GDI2: variants seen among roughly 807,000 people sequenced by gnomAD.
The protein encoded by GDI2 is rab GDP dissociation inhibitor beta.
GDI2 carries 22 observed loss-of-function variants against 54.2 expected under a neutral mutation model. The ratio of observed to expected loss-of-function variants is 0.41; its 90% CI spans 0.29 to 0.58. The LOEUF is 0.58. Ranked by LOEUF, GDI2 falls within the 20% of genes least tolerant of loss-of-function variation. GDI2 has a pLI of 0.35. For missense variants in GDI2, 422 were observed against 546.0 expected (o/e 0.77, Z 2.26); for synonymous variants, 177 against 182.1 (o/e 0.97, Z 0.23).
rs201044554 is a variant in GDI2 at position 5,801,682 on chromosome 10, CAA to C, written c.46-979_46-978del. Among the ~76,000 whole-genome samples, 6 of 147,152 alleles carry C rather than the reference CAA, an allele frequency of 4.1e-5. No homozygotes were observed. In the East Asian group the frequency reaches 1.2e-3, roughly 31 times the overall value. On this transcript the variant is annotated intron_variant, in intron 1 of 10. Transcript: ENST00000380191. ...CAAGAGCTAAACTCCATCTCAAGAA[CAA>C]AAAAAAGGATGTCCTTGATAAAAGC...
intron 2 of GDI2, among the ~76,000 whole-genome samples, chr10:5,799,128 G>A (rs1324779359): frequency 6.6e-6 from 1 of 151,316 alleles, no homozygotes; most frequent in East Asian, 2.0e-4. Context: ...GATCACTTGA[G>A]GCCAGGAGTT....
At position 5,774,897 on chromosome 10, in the gene GDI2, GAAGGGC is replaced by G. The variant is rs751268014; in HGVS notation, c.720-962_720-957del. Among the ~76,000 whole-genome samples, 151 of 152,268 alleles carry G rather than the reference GAAGGGC, an allele frequency of 9.9e-4. 1 individual carries two copies. Among genetic ancestry groups the G allele is most frequent in the African/African-American group, 2.6e-3 (110 of 41,528 alleles). ...TCTGGATTCACACCCAGGGGAAGGG[GAAGGGC>G]AAGGGCAAGGGCAAGGCCAAGGGAA... On this transcript the variant is annotated intron_variant, in intron 6 of 10. Coordinates refer to ENST00000380191, the MANE Select transcript of GDI2 (RefSeq NM_001494.4). This position sits in a 1 kb window ranked among gnomAD's most constrained non-coding sequence, Gnocchi z 4.8.
chr10:5,796,812 T>C lies in GDI2; in HGVS notation c.204A>G (p.Arg68=), dbSNP rs750434795. 1.9e-6 allele frequency: 3 copies of C among 1,595,176 alleles called. No homozygotes were observed. The highest frequency in any genetic ancestry group is 2.6e-6 in the Non-Finnish European group (3 of 1,163,366). Residue 68 remains arginine (R), a synonymous_variant, in exon 3 of 11, where the codon AGA becomes AGG. Transcript: ENST00000380191. ...IPGSPPESMG[R]GRDWNVDLIP... ...TCAAGTCAACATTCCAGTCTCTTCCTCTCCCCATTGACTCGGGTGGTGATC... is the reference window on the plus strand; with the variant it reads ...TCAAGTCAACATTCCAGTCTCTTCCCCTCCCCATTGACTCGGGTGGTGATC...
intron 1 of GDI2, among the ~76,000 whole-genome samples, chr10:5,805,147 T>G (rs146947480): frequency 0.012 from 1,801 of 152,094 alleles, 22 homozygotes; most frequent in Non-Finnish European, 0.014. Context: ...CGGGAGCTTT[T>G]CAGAGTGTAT....
At chr10:5,808,749 A>AC (rs55679111) in intron 1 of GDI2, among the ~76,000 whole-genome samples, 2 of 150,310 alleles carry the variant, frequency 1.3e-5, no homozygotes, top group South Asian at 4.2e-4. Context: ...ACACACACAC[A>AC]AATGTGATCA....
At chr10:5,805,347 C>T (rs1319103987) in intron 1 of GDI2, among the ~76,000 whole-genome samples, 2 of 129,808 alleles carry the variant, frequency 1.5e-5, no homozygotes, top group Admixed American at 8.9e-5. Flanking sequence ...GAGGTTGGAT[C>T]TGAGAATTTG....
At chr10:5,767,055 T>A (rs746969742) in intron 8 of GDI2, among the ~76,000 whole-genome samples, 2 of 152,242 alleles carry the variant, frequency 1.3e-5, no homozygotes, top group Admixed American at 1.3e-4. Context: ...AATGTAAAAC[T>A]GCAGAATCCA....
chr10:5,813,172 G>C, intron 1 of GDI2, 42 bp downstream of exon 1: 1 of 1,346,058 alleles, frequency 7.4e-7, no homozygotes, highest in Non-Finnish European at 1.0e-6. Context: ...GGGTGCGCCC[G>C]CCCCGGCTGC....
At chr10:5,779,445 T>C (rs1321120942) in intron 6 of GDI2, among the ~76,000 whole-genome samples, 1 of 151,528 alleles carries the variant, frequency 6.6e-6, no homozygotes, top group Non-Finnish European at 1.5e-5. Context: ...GAGGCAGAGG[T>C]TGCAGTGAGC....
At position 5,782,914 on chromosome 10, in the gene GDI2, C is replaced by T. The variant is rs566378871; in HGVS notation, c.719+2228G>A. ...CACCACAGCACTCCAGCCTGGGCAA[C>T]AAGAGTGGAACTCCATCTCCAAAAA... On this transcript the variant is annotated intron_variant, in intron 6 of 10. Coordinates refer to ENST00000380191, the MANE Select transcript of GDI2 (RefSeq NM_001494.4). Among the ~76,000 whole-genome samples, 37 of 152,280 alleles carry T rather than the reference C, an allele frequency of 2.4e-4. 1 individual carries two copies. The South Asian group carries it at 7.5e-3, about 31-fold the overall frequency.
intron 1 of GDI2, among the ~76,000 whole-genome samples, chr10:5,804,603 C>A (rs1841336820): frequency 6.6e-6 from 1 of 152,144 alleles, no homozygotes; most frequent in South Asian, 2.1e-4. Context: ...TTTTAAGATT[C>A]TTTCATGTTT....
chr10:5,799,937 A>G (rs1841230652), intron 2 of GDI2, among the ~76,000 whole-genome samples: 1 of 152,236 alleles, frequency 6.6e-6, no homozygotes, highest in South Asian at 2.1e-4. Context: ...ATTTTTTTAT[A>G]CATCGTATTA....
intron 4 of GDI2, among the ~76,000 whole-genome samples, chr10:5,791,331 C>T (rs992878927): frequency 1.3e-5 from 2 of 151,740 alleles, no homozygotes; most frequent in Non-Finnish European, 2.9e-5. Context: ...GTTCTGGGGC[C>T]GGGCACAGTG....
rs761382031 is a variant in GDI2 at position 5,785,290 on chromosome 10, G to A, written c.588-17C>T. ...TCTAAGTAACTGGAAGAAAGGAAATGAGTATTAGGAAAGGGCTTTAGTTTT... is the reference window on the plus strand; with the variant it reads ...TCTAAGTAACTGGAAGAAAGGAAATAAGTATTAGGAAAGGGCTTTAGTTTT... On this transcript the variant is annotated splice_polypyrimidine_tract_variant and intron_variant, in intron 5 of 10. Transcript: ENST00000380191. The A allele has an allele frequency of 6.2e-5, 97 of 1,559,526 alleles. No individual in the cohort carries two copies. Among genetic ancestry groups the A allele is most frequent in the Non-Finnish European group, 5.4e-5 (61 of 1,138,256 alleles).
Position 5,785,127 on chromosome 10 carries a change from AAC to A in GDI2, c.719+13_719+14del. The A allele has an allele frequency of 6.4e-7, 1 of 1,559,282 alleles. No homozygotes were observed. The highest frequency in any genetic ancestry group is 1.2e-5 in the South Asian group (1 of 83,116). On this transcript the variant is annotated intron_variant, in intron 6 of 10. Coordinates refer to ENST00000380191, the MANE Select transcript of GDI2 (RefSeq NM_001494.4). The stretch of plus-strand genomic sequence containing the variant: ...GAGGTTTTGGATCACTGAGGTTTTA[AAC>A]ACAGGCTCTTACCTTGCAAATCCTT...
Position 5,766,642 on chromosome 10 carries a change from GAAACA to G in GDI2, c.992-9_992-5del. On this transcript the variant is annotated splice_region_variant and splice_polypyrimidine_tract_variant and intron_variant, in intron 8 of 10. Transcript: ENST00000380191. This position sits in a 1 kb window ranked among gnomAD's most constrained non-coding sequence, Gnocchi z 5.8. Reference sequence around the variant, plus strand: ...GAGATCATGCAGACGTAGATATCTAGAAACAAATGATACCAGCTCACTGCCTCAAG... The same window carrying G: ...GAGATCATGCAGACGTAGATATCTAGAATGATACCAGCTCACTGCCTCAAG... 2.5e-6 allele frequency: 4 copies of G among 1,612,438 alleles called. No individual in the cohort carries two copies. The highest frequency in any genetic ancestry group is 3.4e-6 in the Non-Finnish European group (4 of 1,178,498).
In GDI2 at chr10:5,768,247, G is replaced by C; in HGVS notation, c.957C>G (p.Ile319Met). ...KNTNDANSCQ[I>M]IIPQNQVNRK... Reference sequence around the variant, plus strand: ...GATTGACTTGGTTCTGTGGAATAATGATCTGGCAGGAGTTGGCATCATTGG... The same window carrying C: ...GATTGACTTGGTTCTGTGGAATAATCATCTGGCAGGAGTTGGCATCATTGG... The change falls in exon 8 of 11, where the codon ATC (isoleucine) becomes ATG (methionine). Residue 319 changes from isoleucine to methionine, a missense_variant. Ile to Met is a conservative substitution (Grantham distance 10). Coordinates refer to ENST00000380191, the MANE Select transcript of GDI2 (RefSeq NM_001494.4). The surrounding 1 kb of genome is among the most constrained non-coding windows in gnomAD (Gnocchi z 4.4). The C allele has an allele frequency of 1.2e-6, 2 of 1,613,232 alleles. No individual in the cohort carries two copies. The highest frequency in any genetic ancestry group is 2.2e-5 in the East Asian group (1 of 44,888).
chr10:5,801,426 C>G (rs1258351483), intron 1 of GDI2, among the ~76,000 whole-genome samples: 1 of 151,930 alleles, frequency 6.6e-6, no homozygotes, highest in Admixed American at 6.6e-5. Flanking sequence ...CTGTAATCCC[C>G]AGCACTTTGG....
At chr10:5,780,968 G>A (rs1840741249) in intron 6 of GDI2, among the ~76,000 whole-genome samples, 2 of 152,136 alleles carry the variant, frequency 1.3e-5, no homozygotes, top group African/African-American at 4.8e-5. Flanking sequence ...TGGCGAAAGT[G>A]TTATCACCTA....
Sources: allele counts gnomAD v4.1 joint callset (sites outside exome capture counted in the v4.1 genomes callset), GRCh38; gene constraint gnomAD v4.1.1; non-coding constraint Gnocchi (gnomAD v3.1); transcripts MANE v1.5; gene names NCBI Gene and HGNC (gene_info 2026-07-23, HGNC 2026-07-21).